B3GALT1: variants seen among roughly 807,000 people sequenced by gnomAD.
The protein encoded by B3GALT1 is UDP-Gal:betaGlcNAc beta 1,3-galactosyltransferase, polypeptide 1.
B3GALT1 carries 10 observed loss-of-function variants against 23.2 expected under a neutral mutation model. That is an observed-to-expected ratio of 0.43 (90% CI 0.27 to 0.73). B3GALT1 has a LOEUF of 0.73. Among genes scored for constraint, B3GALT1 ranks in the 30% least tolerant of loss-of-function variants. The pLI is 0.21. For missense variants in B3GALT1, 299 were observed against 405.4 expected (o/e 0.74, Z 2.25); for synonymous variants, 156 against 141.5 (o/e 1.10, Z -0.73).
Position 167,506,890 on chromosome 2 carries a change from A to G in B3GALT1, c.-410+16613A>G, listed in dbSNP as rs145779590. The stretch of plus-strand genomic sequence containing the variant: ...CATCAAATTTCATTGACTGGAATGT[A>G]ACATGTATAAAGTGAGTGAGTAGAA... On this transcript the variant is annotated intron_variant, in intron 2 of 4. Coordinates refer to ENST00000392690, the MANE Select transcript of B3GALT1 (RefSeq NM_020981.4). Among the ~76,000 whole-genome samples the G allele has an allele frequency of 2.7e-3, 406 of 152,306 alleles. 1 individual carries two copies. Among genetic ancestry groups the G allele is most frequent in the African/African-American group, 9.0e-3 (376 of 41,560 alleles).
intron 3 of B3GALT1, among the ~76,000 whole-genome samples, chr2:167,695,926 TG>T (rs1686785311): frequency 6.6e-6 from 1 of 152,146 alleles, no homozygotes; most frequent in South Asian, 2.1e-4. Flanking sequence ...AAGTGACAGT[TG>T]TATACTGTCT....
chr2:167,775,868 T>C (rs1407410394), intron 3 of B3GALT1, among the ~76,000 whole-genome samples: 1 of 152,038 alleles, frequency 6.6e-6, no homozygotes, highest in East Asian at 1.9e-4. Flanking sequence ...AACTGTCAAA[T>C]ACAGAGCTCT....
At chr2:167,353,349 A>G (rs1437552780) in intron 1 of B3GALT1, among the ~76,000 whole-genome samples, 1 of 152,114 alleles carries the variant, frequency 6.6e-6, no homozygotes, top group Non-Finnish European at 1.5e-5. Flanking sequence ...TTTTTTCAAG[A>G]GTGTCCACTA....
At chr2:167,649,250 A>G (rs1045478983) in intron 3 of B3GALT1, among the ~76,000 whole-genome samples, 20 of 152,134 alleles carry the variant, frequency 1.3e-4, no homozygotes, top group Non-Finnish European at 2.5e-4. Context: ...TAATTCATGC[A>G]TAATAAATGT....
chr2:167,488,727 A>C (rs1699660572), intron 1 of B3GALT1, among the ~76,000 whole-genome samples: 2 of 152,200 alleles, frequency 1.3e-5, no homozygotes, highest in Admixed American at 1.3e-4. Flanking sequence ...TATTCCAGAA[A>C]GTTCCCTCTT....
chr2:167,669,942 CAGAA>C (rs913346245), intron 3 of B3GALT1, among the ~76,000 whole-genome samples: 3 of 152,118 alleles, frequency 2.0e-5, no homozygotes, highest in Admixed American at 6.5e-5. Flanking sequence ...CATGGGCTCA[CAGAA>C]ACCAGGGTTC....
intron 3 of B3GALT1, among the ~76,000 whole-genome samples, chr2:167,683,444 AG>A (rs1686568838): frequency 6.6e-6 from 1 of 152,170 alleles, no homozygotes; most frequent in African/African-American, 2.4e-5. Flanking sequence ...AACACATCCA[AG>A]GGGCCAGGCA....
intron 2 of B3GALT1, among the ~76,000 whole-genome samples, chr2:167,583,614 G>A (rs948886000): frequency 6.6e-6 from 1 of 151,970 alleles, no homozygotes; most frequent in African/African-American, 2.4e-5. Flanking sequence ...AACATTATTG[G>A]GAATATTTGA....
intron 2 of B3GALT1, among the ~76,000 whole-genome samples, chr2:167,591,128 A>G (rs947305431): frequency 6.6e-6 from 1 of 152,184 alleles, no homozygotes. Context: ...AATAAATCTG[A>G]TGTTGCTAAG....
At chr2:167,539,178 C>T (rs748282892) in intron 2 of B3GALT1, among the ~76,000 whole-genome samples, 11 of 151,934 alleles carry the variant, frequency 7.2e-5, no homozygotes, top group Non-Finnish European at 1.5e-4. Flanking sequence ...ATGTTATGCT[C>T]TACTTTTTCC....
chr2:167,840,726 T>C (rs1448938032), intron 4 of B3GALT1, among the ~76,000 whole-genome samples: 9 of 149,656 alleles, frequency 6.0e-5, no homozygotes, highest in South Asian at 2.2e-4. Context: ...CACATGCACA[T>C]GTATGTTTAT....
intron 3 of B3GALT1, among the ~76,000 whole-genome samples, chr2:167,764,150 T>C (rs1489424133): frequency 2.0e-5 from 3 of 152,226 alleles, no homozygotes; most frequent in Non-Finnish European, 2.9e-5. Context: ...CAAATAGCAC[T>C]GTAGCCTACA....
At chr2:167,378,523 A>G (rs1378049009) in intron 1 of B3GALT1, among the ~76,000 whole-genome samples, 2 of 151,978 alleles carry the variant, frequency 1.3e-5, no homozygotes, top group Non-Finnish European at 2.9e-5. Flanking sequence ...ATTTTTTAAA[A>G]TTCCTTTTTT....
chr2:167,808,040 C>A (rs62195007), intron 3 of B3GALT1, among the ~76,000 whole-genome samples: 91 of 148,530 alleles, frequency 6.1e-4, no homozygotes, highest in Non-Finnish European at 6.8e-4. Context: ...TGAATTGATC[C>A]TTTTACCATT....
intron 2 of B3GALT1, among the ~76,000 whole-genome samples, chr2:167,600,075 T>A (rs185409239): frequency 2.0e-5 from 3 of 152,354 alleles, no homozygotes; most frequent in Admixed American, 6.5e-5. Flanking sequence ...CATTATTTAT[T>A]TCTTTTCTGA....
At chr2:167,368,624 G>A (rs147206081) in intron 1 of B3GALT1, among the ~76,000 whole-genome samples, 2 of 152,256 alleles carry the variant, frequency 1.3e-5, no homozygotes, top group East Asian at 1.9e-4. Flanking sequence ...TGGTACTTTC[G>A]TTGCATCTCT....
chr2:167,625,440 A>G (rs1220435698), intron 2 of B3GALT1, among the ~76,000 whole-genome samples: 2 of 151,876 alleles, frequency 1.3e-5, no homozygotes, highest in Non-Finnish European at 2.9e-5. Flanking sequence ...GCAGTATTTA[A>G]TGGAGCAATA....
At chr2:167,682,630 A>T (rs1686551326) in intron 3 of B3GALT1, among the ~76,000 whole-genome samples, 1 of 152,146 alleles carries the variant, frequency 6.6e-6, no homozygotes, top group African/African-American at 2.4e-5. Flanking sequence ...TCTGATTCTG[A>T]TGAGTAGAGG....
At chr2:167,570,663 C>G (rs1684275334) in intron 2 of B3GALT1, among the ~76,000 whole-genome samples, 1 of 151,910 alleles carries the variant, frequency 6.6e-6, no homozygotes, top group Non-Finnish European at 1.5e-5. Flanking sequence ...ATACAGAAAA[C>G]TTACATATGT....
Sources: allele counts gnomAD v4.1 joint callset (sites outside exome capture counted in the v4.1 genomes callset), GRCh38; gene constraint gnomAD v4.1.1; transcripts MANE v1.5; gene names NCBI Gene and HGNC (gene_info 2026-07-23, HGNC 2026-07-21).